The following F13A1 variants were observed in gnomAD, a reference collection of about 807,000 sequenced individuals.
The protein encoded by F13A1 is coagulation factor XIII A chain.
A neutral mutation model predicts 80.1 loss-of-function variants in F13A1; 47 were observed. The ratio of observed to expected loss-of-function variants is 0.59; its 90% CI spans 0.46 to 0.75. The LOEUF (loss-of-function observed/expected upper bound fraction) is 0.75. Ranked by LOEUF, F13A1 falls within the 30% of genes least tolerant of loss-of-function variation. The pLI is 0.00. For missense variants in F13A1, 817 were observed against 930.4 expected, an observed-to-expected ratio of 0.88 and a Z score of 1.59; for synonymous variants, 349 against 344.9, an observed-to-expected ratio of 1.01 and a Z score of -0.13.
At position 6,228,731 on chromosome 6, in the gene F13A1, C is replaced by CAAA. The variant is rs35068752; in HGVS notation, c.799-3874_799-3872dup. 1.7e-3 allele frequency among the ~76,000 whole-genome samples: 121 copies of CAAA among 71,488 alleles called. 1 individual carries two copies. The Middle Eastern group carries it at 0.03, about 18-fold the overall frequency. The allele number at this position is 71,488 out of a possible 152,430, so 46.9% of individuals were successfully genotyped here. On this transcript the variant is annotated intron_variant, in intron 6 of 14. Coordinates refer to ENST00000264870, the MANE Select transcript of F13A1 (RefSeq NM_000129.4). ...TGGGCAACAGAGTGAGATCCTGTCT[C>CAAA]AAAAAAAAAAAAAAAAAAAAAAGCT...
intron 10 of F13A1, among the ~76,000 whole-genome samples, chr6:6,189,808 C>T: frequency 6.6e-6 from 1 of 151,520 alleles, no homozygotes; most frequent in African/African-American, 2.4e-5. Context: ...GGATAATATC[C>T]TGCAGAGTGT....
intron 3 of F13A1, among the ~76,000 whole-genome samples, chr6:6,275,599 C>T (rs1046981126): frequency 1.3e-5 from 2 of 152,154 alleles, no homozygotes; most frequent in Non-Finnish European, 2.9e-5. Context: ...GAACTCCTGA[C>T]CTCAAGAGAT....
chr6:6,159,384 C>T (rs950973667), intron 13 of F13A1, among the ~76,000 whole-genome samples: 1 of 152,136 alleles, frequency 6.6e-6, no homozygotes, highest in Non-Finnish European at 1.5e-5. Flanking sequence ...TTGTGGGCAT[C>T]TCATGAAAAG....
rs906493787 is a variant in F13A1 at position 6,233,499 on chromosome 6, A to C, written c.799-8639T>G. Among the ~76,000 whole-genome samples the C allele has an allele frequency of 3.3e-5, 5 of 152,272 alleles. No individual in the cohort carries two copies. The East Asian group carries it at 9.6e-4, about 29-fold the overall frequency. On this transcript the variant is annotated intron_variant, in intron 6 of 14. Coordinates refer to ENST00000264870, the MANE Select transcript of F13A1 (RefSeq NM_000129.4). ...AATGTCCAGGAACAGACGGATTCAC[A>C]GGAGAATTCTACCAGACATTCAAGG...
chr6:6,284,265 T>A (rs1464853287), intron 3 of F13A1, among the ~76,000 whole-genome samples: 1 of 152,244 alleles, frequency 6.6e-6, no homozygotes, highest in East Asian at 1.9e-4. Context: ...TAAAGCAATT[T>A]GTTTCACAAA....
At chr6:6,289,332 G>A (rs1032491649) in intron 3 of F13A1, among the ~76,000 whole-genome samples, 4 of 152,068 alleles carry the variant, frequency 2.6e-5, no homozygotes, top group African/African-American at 9.7e-5. Context: ...CCCTGAGATG[G>A]CCTACAAATG....
intron 14 of F13A1, among the ~76,000 whole-genome samples, chr6:6,147,572 T>C (rs1760307291): frequency 6.6e-6 from 1 of 152,214 alleles, no homozygotes; most frequent in Non-Finnish European, 1.5e-5. Context: ...CCTGTATCCA[T>C]TCATTCTCTC....
intron 3 of F13A1, among the ~76,000 whole-genome samples, chr6:6,274,166 G>A (rs1320793548): frequency 6.6e-6 from 1 of 152,182 alleles, no homozygotes; most frequent in South Asian, 2.1e-4. Context: ...ATGGAGTTTT[G>A]TTTAACTTTG....
intron 14 of F13A1, among the ~76,000 whole-genome samples, chr6:6,150,985 A>C (rs1201275773): frequency 6.6e-6 from 1 of 152,230 alleles, no homozygotes; most frequent in Non-Finnish European, 1.5e-5. Flanking sequence ...CAGATGGAAA[A>C]GAGATGGGCC....
chr6:6,166,434 A>G (rs559816438), intron 13 of F13A1, among the ~76,000 whole-genome samples: 2 of 152,324 alleles, frequency 1.3e-5, no homozygotes, highest in African/African-American at 2.4e-5. Flanking sequence ...AATGTGATCA[A>G]CTTTATAAAG....
intron 8 of F13A1, among the ~76,000 whole-genome samples, chr6:6,215,349 A>AT (rs1761703873): frequency 9.6e-6 from 1 of 104,242 alleles, no homozygotes; most frequent in Admixed American, 8.7e-5. Context: ...AGTGGGCTTC[A>AT]TCCCTGGGAT....
At chr6:6,278,935 G>C (rs1758025163) in intron 3 of F13A1, among the ~76,000 whole-genome samples, 1 of 152,182 alleles carries the variant, frequency 6.6e-6, no homozygotes, top group South Asian at 2.1e-4. Context: ...AATCAGGATT[G>C]CTATGAAGAT....
chr6:6,176,006 C>T (rs1760877980), intron 11 of F13A1, among the ~76,000 whole-genome samples: 2 of 152,236 alleles, frequency 1.3e-5, no homozygotes, highest in African/African-American at 4.8e-5. Context: ...AAGGCTTTGG[C>T]TTGGAAACAG....
intron 10 of F13A1, among the ~76,000 whole-genome samples, chr6:6,190,509 G>A (rs1259228519): frequency 6.7e-6 from 1 of 149,974 alleles, no homozygotes; most frequent in Admixed American, 6.7e-5. Flanking sequence ...TTCCCCTGCT[G>A]GGGGGTGCCT....
rs1222572357 is a variant in F13A1, at chr6:6,284,866, G to C, written c.320-18057C>G. ...GAGATTTTACCCTTCAACTCTAGCT[G>C]ATCCTCTTGCTCTTGACTGCCCAGA... On this transcript the variant is annotated intron_variant, in intron 3 of 14. Coordinates refer to ENST00000264870, the MANE Select transcript of F13A1 (RefSeq NM_000129.4). Among the ~76,000 whole-genome samples the C allele has an allele frequency of 4.6e-5, 7 of 152,266 alleles. 1 individual carries two copies. The highest frequency in any genetic ancestry group is 8.8e-5 in the Non-Finnish European group (6 of 68,018).
intron 6 of F13A1, among the ~76,000 whole-genome samples, chr6:6,225,584 T>C (rs1436320916): frequency 6.6e-6 from 1 of 152,138 alleles, no homozygotes; most frequent in African/African-American, 2.4e-5. Flanking sequence ...CATGGTTCAC[T>C]GTAGCCTCGA....
chr6:6,266,804 A>G lies in F13A1; in HGVS notation c.325T>C (p.Tyr109His). The G allele has an allele frequency of 1.9e-6, 3 of 1,614,190 alleles. No individual in the cohort carries two copies. Among genetic ancestry groups the G allele is most frequent in the Non-Finnish European group, 2.5e-6 (3 of 1,180,014 alleles). ...TAGGTTCCCTTGTTCTCCTGTGGGT[A>G]GCGACCTATGAGAAGAGAGAAGAAA... ...LFRVEYVIGR[Y>H]PQENKGTYIP... The change falls in exon 4 of 15, where the codon TAC becomes CAC. Residue 109 changes from tyrosine to histidine, a missense_variant. Coordinates refer to ENST00000264870, the MANE Select transcript of F13A1 (RefSeq NM_000129.4).
chr6:6,194,274 C>T (rs964177153), intron 10 of F13A1, among the ~76,000 whole-genome samples: 2 of 152,182 alleles, frequency 1.3e-5, no homozygotes, highest in African/African-American at 4.8e-5. Context: ...TCAGGGAGGT[C>T]CTCTGCACTG....
chr6:6,177,640 C>T (rs978725408), intron 11 of F13A1, among the ~76,000 whole-genome samples: 2 of 152,252 alleles, frequency 1.3e-5, no homozygotes, highest in Non-Finnish European at 2.9e-5. Flanking sequence ...AGTAACCATT[C>T]ATTCAAATCA....
Sources: allele counts gnomAD v4.1 joint callset (sites outside exome capture counted in the v4.1 genomes callset), GRCh38; gene constraint gnomAD v4.1.1; transcripts MANE v1.5; gene names NCBI Gene and HGNC (gene_info 2026-07-23, HGNC 2026-07-21).